NCK2: variants seen among roughly 807,000 people sequenced by gnomAD.
NCK2 encodes the protein NCK adaptor protein 2.
NCK2 carries 16 observed loss-of-function variants against 33.9 expected under a neutral mutation model. The ratio of observed to expected loss-of-function variants is 0.47; its 90% CI spans 0.32 to 0.72. NCK2 has a LOEUF of 0.72. NCK2 is among the 30% of genes least tolerant of loss of function. NCK2 has a pLI of 0.03. For missense variants in NCK2, 418 were observed against 537.3 expected, an observed-to-expected ratio of 0.78 and a Z score of 2.19; for synonymous variants, 273 against 239.9, an observed-to-expected ratio of 1.14 and a Z score of -1.27.
chr2:105,756,884 A>C (rs1252365887), intron 1 of NCK2, among the ~76,000 whole-genome samples: 5 of 152,030 alleles, frequency 3.3e-5, no homozygotes, highest in Non-Finnish European at 1.5e-5. Flanking sequence ...GGCTCATCAC[A>C]ACCTCCCCCC....
chr2:105,814,464 G>T (rs1675408950), intron 1 of NCK2, among the ~76,000 whole-genome samples: 1 of 152,218 alleles, frequency 6.6e-6, no homozygotes, highest in Non-Finnish European at 1.5e-5. Flanking sequence ...TGTGCTTGGA[G>T]AGGCCGTGTT....
intron 1 of NCK2, among the ~76,000 whole-genome samples, chr2:105,782,672 C>T (rs766217195): frequency 3.2e-5 from 4 of 125,804 alleles, no homozygotes; most frequent in South Asian, 4.9e-4. Context: ...AGAACCTGAT[C>T]GTTTCTGAGA....
chr2:105,892,650 A>G (rs1433736283), intron 4 of NCK2, among the ~76,000 whole-genome samples: 2 of 152,114 alleles, frequency 1.3e-5, no homozygotes, highest in Non-Finnish European at 1.5e-5. Context: ...GTTCAAGACC[A>G]GCCTGGCCAA....
intron 1 of NCK2, among the ~76,000 whole-genome samples, chr2:105,813,918 G>A (rs1185821393): frequency 1.3e-5 from 2 of 152,192 alleles, no homozygotes; most frequent in African/African-American, 2.4e-5. Flanking sequence ...GGAGATGCAC[G>A]TAGTGCTAGT....
intron 1 of NCK2, among the ~76,000 whole-genome samples, chr2:105,806,925 C>T (rs1462594460): frequency 6.6e-6 from 1 of 152,190 alleles, no homozygotes; most frequent in Non-Finnish European, 1.5e-5. Context: ...AGGTACTTCT[C>T]AGATGCCCGT....
intron 1 of NCK2, among the ~76,000 whole-genome samples, chr2:105,748,192 G>A (rs992975182): frequency 3.9e-5 from 6 of 152,138 alleles, no homozygotes; most frequent in Non-Finnish European, 8.8e-5. Context: ...ACCAGCCTCT[G>A]TGTTCCCTCT....
At chr2:105,792,661 G>T (rs11886675) in intron 1 of NCK2, among the ~76,000 whole-genome samples, 32,910 of 151,394 alleles carry the variant, frequency 0.22, 3,867 homozygotes, top group South Asian at 0.32. Context: ...CCGGTCTTTT[G>T]TCATTTGGGC....
intron 2 of NCK2, among the ~76,000 whole-genome samples, chr2:105,825,638 G>A (rs994786416): frequency 6.6e-6 from 1 of 152,234 alleles, no homozygotes; most frequent in South Asian, 2.1e-4. Flanking sequence ...TTATCACATA[G>A]CAGAGAATGA....
chr2:105,749,188 G>C (rs1689377305), intron 1 of NCK2, among the ~76,000 whole-genome samples: 1 of 152,220 alleles, frequency 6.6e-6, no homozygotes, highest in Non-Finnish European at 1.5e-5. Context: ...ACGCTGGGCA[G>C]ACCGTTTGTG....
At position 105,854,744 on chromosome 2, in the gene NCK2, A is replaced by G. The variant is rs1677193063; in HGVS notation, c.-16-304A>G. On this transcript the variant is annotated intron_variant, in intron 2 of 4. Transcript: ENST00000233154. Reference sequence around the variant, plus strand: ...TCAGGAGGCAGTGTTACTTAATGAAATGGACTCATTTAATTATAATGTTAT... The same window carrying G: ...TCAGGAGGCAGTGTTACTTAATGAAGTGGACTCATTTAATTATAATGTTAT... 5.1e-5 allele frequency: 13 copies of G among 256,842 alleles called. No individual in the cohort carries two copies. In the South Asian group the frequency reaches 6.6e-4, roughly 13 times the overall value. The allele number at this position is 256,842 out of a possible 1,614,324, so 15.9% of individuals were successfully genotyped here.
rs200636557 is a variant in NCK2 at position 105,881,481 on chromosome 2, A to G, written c.380A>G (p.Glu127Gly). The G allele has an allele frequency of 2.2e-5, 35 of 1,613,792 alleles. No individual in the cohort carries two copies. The highest frequency in any genetic ancestry group is 3.3e-5 in the Admixed American group (2 of 60,008). ...FVKFAYVAER[E>G]DELSLVKGSR... The stretch of plus-strand genomic sequence containing the variant: ...AAGTTCGCCTATGTGGCCGAGCGGG[A>G]GGATGAGTTGTCCCTGGTGAAGGGG... Residue 127 changes from glutamate (E) to glycine (G), a missense_variant, in exon 4 of 5, where the codon GAG becomes GGG. Glu to Gly is a moderately conservative substitution (Grantham distance 98). Transcript: ENST00000233154.
intron 1 of NCK2, among the ~76,000 whole-genome samples, chr2:105,779,768 A>G (rs965772705): frequency 3.3e-5 from 5 of 152,176 alleles, no homozygotes; most frequent in African/African-American, 9.7e-5. Flanking sequence ...ACACTCACAT[A>G]CATATACATA....
chr2:105,809,974 G>A (rs2104467416), intron 1 of NCK2, among the ~76,000 whole-genome samples: 1 of 152,308 alleles, frequency 6.6e-6, no homozygotes, highest in East Asian at 1.9e-4. Flanking sequence ...GTAGTGGAGG[G>A]CTGTGATGTC....
rs374181605 is a variant in NCK2, at chr2:105,791,643, C to T, written c.-200-24787C>T. ...ATTTCGAACTGACTCCATAATAGAT[C>T]TGATCATAGTGACCTCTTGAAGTGC... is the stretch of plus-strand genomic sequence containing the variant. On this transcript the variant is annotated intron_variant, in intron 1 of 4. Coordinates refer to ENST00000233154, the MANE Select transcript of NCK2 (RefSeq NM_003581.5). Among the ~76,000 whole-genome samples the T allele has an allele frequency of 7.2e-5, 11 of 152,326 alleles. No homozygotes were observed. In the East Asian group the frequency reaches 2.1e-3, roughly 29 times the overall value.
intron 2 of NCK2, among the ~76,000 whole-genome samples, chr2:105,818,287 G>GGGAGGGA (rs1233450176): frequency 1.9e-5 from 2 of 105,728 alleles, no homozygotes; most frequent in Non-Finnish European, 3.7e-5. Context: ...TTGGGGTGGG[G>GGGAGGGA]GGAGGGGGGA....
chr2:105,786,075 C>A (rs1690671082), intron 1 of NCK2, among the ~76,000 whole-genome samples: 1 of 152,164 alleles, frequency 6.6e-6, no homozygotes, highest in Non-Finnish European at 1.5e-5. Flanking sequence ...ACGTCCCTTC[C>A]ACTGCACATC....
intron 3 of NCK2, among the ~76,000 whole-genome samples, chr2:105,870,310 G>T (rs938100994): frequency 1.3e-5 from 2 of 152,228 alleles, no homozygotes; most frequent in Non-Finnish European, 2.9e-5. Flanking sequence ...AGGCAGGGTG[G>T]CTGCTTGGGG....
At position 105,855,283 on chromosome 2, in the gene NCK2, A is replaced by T. The variant is rs1220116381; in HGVS notation, c.220A>T (p.Thr74Ser). The T allele has an allele frequency of 1.3e-6, 2 of 1,597,426 alleles. No homozygotes were observed. The highest frequency in any genetic ancestry group is 1.7e-5 in the Admixed American group (1 of 57,704). The change falls in exon 3 of 5, where the codon ACA (threonine) becomes TCA (serine). Residue 74 changes from threonine (T) to serine (S), a missense_variant. Physicochemically the swap from Thr to Ser is moderately conservative, Grantham distance 58. Transcript: ENST00000233154. ...KGSLVKNLKD[T>S]LGLGKTRRKT... ...CTCCCTCGTGAAGAACCTGAAGGAC[A>T]CACTAGGTGAGTGTTTCACCCTCGA...
chr2:105,834,721 G>A (rs989231288), intron 2 of NCK2, among the ~76,000 whole-genome samples: 3 of 151,976 alleles, frequency 2.0e-5, no homozygotes, highest in African/African-American at 7.3e-5. Flanking sequence ...AAGCTAGAGT[G>A]CAGTGGCATG....
Sources: gnomAD v4.1 joint callset for allele counts (sites outside exome capture counted in the v4.1 genomes callset) on GRCh38, gnomAD v4.1.1 for gene constraint, MANE v1.5 for transcripts, NCBI Gene and HGNC (gene_info 2026-07-23, HGNC 2026-07-21) for gene names.